PACRG: variants seen among roughly 807,000 people sequenced by gnomAD.
PACRG encodes parkin coregulated gene protein.
PACRG carries 29 observed loss-of-function variants against 29.7 expected under a neutral mutation model. That is an observed-to-expected ratio of 0.98 (90% CI 0.73 to 1.33). The LOEUF (loss-of-function observed/expected upper bound fraction) is 1.33, where lower values mean the gene tolerates loss of function less well. Ranked by LOEUF, PACRG falls within the 40% of genes most tolerant of loss-of-function variation. PACRG has a pLI of 0.00. For synonymous variants in PACRG, 116 were observed against 118.7 expected (o/e 0.98, Z 0.15); for missense variants, 279 against 316.2 (o/e 0.88, Z 0.89).
intron 4 of PACRG, among the ~76,000 whole-genome samples, chr6:163,110,659 A>G (rs1815664044): frequency 6.6e-6 from 1 of 152,222 alleles, no homozygotes; most frequent in African/African-American, 2.4e-5. Context: ...GAGGGTGGAT[A>G]CAAAACATTC....
intron 3 of PACRG, among the ~76,000 whole-genome samples, chr6:163,087,336 T>G (rs1813660376): frequency 5.9e-5 from 8 of 134,846 alleles, no homozygotes; most frequent in South Asian, 2.4e-4. Flanking sequence ...GAAGAGGAGG[T>G]GAGGATGGAA....
chr6:162,836,482 C>A (rs942246452), intron 2 of PACRG, among the ~76,000 whole-genome samples: 1 of 152,082 alleles, frequency 6.6e-6, no homozygotes, highest in Admixed American at 6.6e-5. Context: ...CTTCCATGAT[C>A]GCTCAAGCTG....
At chr6:163,261,251 T>C (rs1783314026) in intron 4 of PACRG, among the ~76,000 whole-genome samples, 1 of 152,098 alleles carries the variant, frequency 6.6e-6, no homozygotes, top group Non-Finnish European at 1.5e-5. Flanking sequence ...TTCTTTCTAT[T>C]TTTTTAATTT....
At chr6:163,022,943 A>T (rs754208865) in intron 2 of PACRG, among the ~76,000 whole-genome samples, 20 of 151,940 alleles carry the variant, frequency 1.3e-4, no homozygotes, top group African/African-American at 4.4e-4. Flanking sequence ...ACATTTCCTA[A>T]TTTTTTTTCA....
At chr6:162,961,279 T>C (rs1441824225) in intron 2 of PACRG, among the ~76,000 whole-genome samples, 2 of 152,206 alleles carry the variant, frequency 1.3e-5, no homozygotes, top group African/African-American at 2.4e-5. Flanking sequence ...TTAAGGAAGC[T>C]GTCTAGAGGA....
chr6:162,975,918 G>T (rs1000844000), intron 2 of PACRG, among the ~76,000 whole-genome samples: 1 of 151,890 alleles, frequency 6.6e-6, no homozygotes, highest in Admixed American at 6.6e-5. Context: ...AAGATGAAAA[G>T]TTACAAACCT....
intron 2 of PACRG, among the ~76,000 whole-genome samples, chr6:162,988,667 A>C (rs577224356): frequency 1.3e-5 from 2 of 152,340 alleles, no homozygotes; most frequent in African/African-American, 4.8e-5. Context: ...TAAGGAAACA[A>C]CTGAATCTAT....
At chr6:162,806,083 G>A (rs1185743939) in intron 1 of PACRG, among the ~76,000 whole-genome samples, 1 of 151,752 alleles carries the variant, frequency 6.6e-6, no homozygotes, top group Non-Finnish European at 1.5e-5. Flanking sequence ...ATGGCAGCTA[G>A]AGCCTTACAA....
chr6:162,757,664 G>A (rs143699644), intron 1 of PACRG, among the ~76,000 whole-genome samples: 1,586 of 152,114 alleles, frequency 0.01, 16 homozygotes, highest in African/African-American at 0.021. Flanking sequence ...CTGAGATGGT[G>A]CCACTGCACT....
At chr6:162,838,378 T>A (rs1215344918) in intron 2 of PACRG, among the ~76,000 whole-genome samples, 1 of 152,108 alleles carries the variant, frequency 6.6e-6, no homozygotes, top group Non-Finnish European at 1.5e-5. Context: ...TGTAGGCTAA[T>A]CATTATGAGG....
At chr6:162,996,187 A>G (rs955204182) in intron 2 of PACRG, among the ~76,000 whole-genome samples, 1 of 152,168 alleles carries the variant, frequency 6.6e-6, no homozygotes, top group Non-Finnish European at 1.5e-5. Context: ...ATGTGAGATA[A>G]TGGACATGTT....
chr6:162,847,777 G>A (rs1790527423), intron 2 of PACRG, among the ~76,000 whole-genome samples: 1 of 151,998 alleles, frequency 6.6e-6, no homozygotes, highest in Admixed American at 6.6e-5. Context: ...ACCTGAACAA[G>A]GAGCTACTAG....
chr6:163,178,154 C>A (rs1190552512), intron 4 of PACRG, among the ~76,000 whole-genome samples: 2 of 152,132 alleles, frequency 1.3e-5, no homozygotes, highest in Admixed American at 1.3e-4. Context: ...GGGCTCCCTG[C>A]CTGGCACCAG....
intron 4 of PACRG, chr6:163,312,813 C>A (rs372610248): frequency 2.3e-6 from 1 of 433,344 alleles, no homozygotes; most frequent in Non-Finnish European, 4.6e-6. Flanking sequence ...AGTGCAGTGG[C>A]GCGATCATGG....
chr6:163,228,169 T>G (rs955960865), intron 4 of PACRG, among the ~76,000 whole-genome samples: 2 of 152,002 alleles, frequency 1.3e-5, no homozygotes, highest in African/African-American at 4.8e-5. Context: ...AATCTACCAC[T>G]AATCAGTGTG....
intron 2 of PACRG, among the ~76,000 whole-genome samples, chr6:162,901,364 G>A (rs1004727342): frequency 3.3e-5 from 5 of 152,210 alleles, no homozygotes; most frequent in Non-Finnish European, 7.3e-5. Flanking sequence ...AAGAGATGAT[G>A]TAAAGGAGAT....
intron 1 of PACRG, among the ~76,000 whole-genome samples, chr6:162,766,685 T>G (rs1031779461): frequency 6.6e-6 from 1 of 152,198 alleles, no homozygotes; most frequent in African/African-American, 2.4e-5. Context: ...ATATTTCTTC[T>G]TGAGTCAGTT....
In PACRG at chr6:162,938,294, C is replaced by T. The variant is rs950848319; in HGVS notation, c.292-123856C>T. Among the ~76,000 whole-genome samples the T allele has an allele frequency of 3.3e-5, 5 of 152,196 alleles. No homozygotes were observed. In the East Asian group the frequency reaches 7.7e-4, roughly 23 times the overall value. ...ATATACCACAGTTTCTTTATCCACT[C>T]GTTGATTGATGGGCATTTGGGTTGG... On this transcript the variant is annotated intron_variant, in intron 2 of 4. Coordinates refer to ENST00000366888, the MANE Select transcript of PACRG (RefSeq NM_001080379.2).
chr6:162,857,860 AC>A (rs1488174162), intron 2 of PACRG, among the ~76,000 whole-genome samples: 1 of 151,910 alleles, frequency 6.6e-6, no homozygotes, highest in Non-Finnish European at 1.5e-5. Context: ...CAACTGTGTT[AC>A]CTGTTTCAAA....
Sources: gnomAD v4.1 joint callset for allele counts (sites outside exome capture counted in the v4.1 genomes callset) on GRCh38, gnomAD v4.1.1 for gene constraint, MANE v1.5 for transcripts, NCBI Gene and HGNC (gene_info 2026-07-23, HGNC 2026-07-21) for gene names.